The following UGT3A2 variants were observed in gnomAD, a reference collection of about 807,000 sequenced individuals.
UGT3A2 encodes the protein UDP glycosyltransferase family 3 member A2.
Under a neutral mutation model 39.8 loss-of-function variants are expected in UGT3A2, and 32 were observed. That is an observed-to-expected ratio of 0.80 (90% CI 0.61 to 1.08). The LOEUF (loss-of-function observed/expected upper bound fraction) is 1.08. UGT3A2 is among the 50% of genes least tolerant of loss of function. The probability of loss-of-function intolerance (pLI) is 0.00; values close to 1 mark genes in which losing one functional copy is unlikely to be tolerated. For missense variants in UGT3A2, 611 were observed against 637.1 expected (o/e 0.96, Z 0.44); for synonymous variants, 241 against 230.7 (o/e 1.04, Z -0.40).
At chr5:36,058,002 G>A (rs1021139053) in intron 2 of UGT3A2, among the ~76,000 whole-genome samples, 4 of 152,122 alleles carry the variant, frequency 2.6e-5, no homozygotes, top group African/African-American at 4.8e-5. Flanking sequence ...AGGCAGATAC[G>A]AAGGCAGTGA....
Position 36,049,081 on chromosome 5 carries a change from C to T in UGT3A2, c.651G>A (p.Met217Ile). Residue 217 changes from methionine to isoleucine, a missense_variant, in exon 4 of 7, where the codon ATG becomes ATA. Coordinates refer to ENST00000282507, the MANE Select transcript of UGT3A2 (RefSeq NM_174914.4). ...FFSFCRRQQHMQSTFDNTIKE... is the reference protein window; with the variant it reads ...FFSFCRRQQHIQSTFDNTIKE... ...TGATGGTGTTGTCAAATGTAGACTG[C>T]ATGTGCTGTTGCCTCCTGCAGAAAC... 1 of 1,614,182 alleles carries T rather than the reference C, an allele frequency of 6.2e-7. No individual in the cohort carries two copies. Among genetic ancestry groups the T allele is most frequent in the Non-Finnish European group, 8.5e-7 (1 of 1,180,030 alleles).
intron 4 of UGT3A2, among the ~76,000 whole-genome samples, chr5:36,045,190 C>T (rs1363039628): frequency 6.6e-6 from 1 of 152,028 alleles, no homozygotes; most frequent in African/African-American, 2.4e-5. Context: ...CATACATCTG[C>T]GGTGAACTTA....
chr5:36,062,018 T>C (rs1469697979), intron 2 of UGT3A2, among the ~76,000 whole-genome samples: 5 of 151,968 alleles, frequency 3.3e-5, no homozygotes, highest in Admixed American at 2.0e-4. Flanking sequence ...TTTCATGTGT[T>C]TTTTGGCTGC....
At chr5:36,059,717 C>T (rs1033291935) in intron 2 of UGT3A2, among the ~76,000 whole-genome samples, 2 of 152,076 alleles carry the variant, frequency 1.3e-5, no homozygotes, top group Non-Finnish European at 2.9e-5. Context: ...TGTTTTACCC[C>T]GCAGCAATTA....
chr5:36,059,573 G>C (rs1422764233), intron 2 of UGT3A2, among the ~76,000 whole-genome samples: 1 of 152,104 alleles, frequency 6.6e-6, no homozygotes, highest in Non-Finnish European at 1.5e-5. Flanking sequence ...GCACCTGTGA[G>C]ATGTGCAGAG....
At chr5:36,056,416 CG>C (rs1342839840) in intron 2 of UGT3A2, among the ~76,000 whole-genome samples, 3 of 152,172 alleles carry the variant, frequency 2.0e-5, no homozygotes, top group Non-Finnish European at 2.9e-5. Flanking sequence ...CCATTCATCC[CG>C]GGCAGCTTTC....
chr5:36,052,924 T>C (rs1284180705), intron 2 of UGT3A2, among the ~76,000 whole-genome samples: 1 of 152,204 alleles, frequency 6.6e-6, no homozygotes, highest in Non-Finnish European at 1.5e-5. Context: ...TCCAAGTATC[T>C]ACTGGCAAAT....
Position 36,066,828 on chromosome 5 carries a change from G to A in UGT3A2, c.-39C>T. The A allele has an allele frequency of 1.2e-6, 2 of 1,612,790 alleles. No homozygotes were observed. The highest frequency in any genetic ancestry group is 1.7e-6 in the Non-Finnish European group (2 of 1,178,816). ...GAAGCCGCGGATCTCAGCCTGGGCT[G>A]CGCGCCCTGCGCCCGGCTAAGGGAC... On this transcript the variant is annotated 5_prime_UTR_variant, in exon 1 of 7. Transcript: ENST00000282507.
chr5:36,044,735 C>A (rs1381510143), intron 4 of UGT3A2, among the ~76,000 whole-genome samples: 2 of 144,112 alleles, frequency 1.4e-5, no homozygotes, highest in African/African-American at 2.4e-5. Flanking sequence ...TTTACAATGC[C>A]CACAAACAAA....
In UGT3A2 at chr5:36,035,265, T is replaced by C. The variant is rs1045901481; in HGVS notation, c.*433A>G. Reference sequence around the variant, plus strand: ...GAAAGAATATGCAAGGTGTCTTTCTTGGATGTTATTCCATGATAGATAGTA... The same window carrying C: ...GAAAGAATATGCAAGGTGTCTTTCTCGGATGTTATTCCATGATAGATAGTA... On this transcript the variant is annotated 3_prime_UTR_variant, in exon 7 of 7. Transcript: ENST00000282507. 1 of 186,320 alleles carries C rather than the reference T, an allele frequency of 5.4e-6. No individual in the cohort carries two copies. Among genetic ancestry groups the C allele is most frequent in the East Asian group, 1.2e-4 (1 of 8,144 alleles). The allele number at this position is 186,320 out of a possible 1,614,324, so 11.5% of individuals were successfully genotyped here. A position where few individuals can be genotyped will look rare whatever the true frequency, so the allele number is the denominator to read the frequency against.
chr5:36,038,162 A>C (rs1741892037), intron 5 of UGT3A2, 146 bp from the exon 6 acceptor site: 1 of 839,984 alleles, frequency 1.2e-6, no homozygotes, highest in African/African-American at 1.7e-5. Context: ...GGACACATCC[A>C]ATGTTACAGT....
At chr5:36,047,278 A>G (rs924627693) in intron 4 of UGT3A2, among the ~76,000 whole-genome samples, 1 of 152,228 alleles carries the variant, frequency 6.6e-6, no homozygotes, top group African/African-American at 2.4e-5. Context: ...CCTTGGGCAC[A>G]TGTCATCAGG....
chr5:36,048,478 C>T (rs934516255), intron 4 of UGT3A2, among the ~76,000 whole-genome samples: 3 of 152,164 alleles, frequency 2.0e-5, no homozygotes, highest in South Asian at 2.1e-4. Context: ...CTGCTTACTC[C>T]GAATCCATAG....
intron 4 of UGT3A2, among the ~76,000 whole-genome samples, chr5:36,040,101 A>C (rs1158796994): frequency 6.6e-6 from 1 of 152,124 alleles, no homozygotes; most frequent in Non-Finnish European, 1.5e-5. Flanking sequence ...CTTCTGTTGC[A>C]GGCAGAAATG....
chr5:36,036,858 T>C (rs1276955870), intron 6 of UGT3A2, among the ~76,000 whole-genome samples: 1 of 152,214 alleles, frequency 6.6e-6, no homozygotes, highest in African/African-American at 2.4e-5. Context: ...AATTATTCAG[T>C]CCTTTTTACT....
chr5:36,046,161 G>A (rs1348415507), intron 4 of UGT3A2, among the ~76,000 whole-genome samples: 1 of 152,124 alleles, frequency 6.6e-6, no homozygotes. Flanking sequence ...ATTGTTTGTG[G>A]GAATTTAAAT....
At chr5:36,040,647 C>A (rs1741977621) in intron 4 of UGT3A2, among the ~76,000 whole-genome samples, 1 of 152,194 alleles carries the variant, frequency 6.6e-6, no homozygotes, top group South Asian at 2.1e-4. Flanking sequence ...AGCATTTAGA[C>A]CAGCCCTTGC....
chr5:36,061,479 G>A (rs947637475), intron 2 of UGT3A2, among the ~76,000 whole-genome samples: 2 of 149,070 alleles, frequency 1.3e-5, no homozygotes, highest in Non-Finnish European at 3.0e-5. Context: ...CTATAAGTGA[G>A]AATATGCGGT....
intron 6 of UGT3A2, among the ~76,000 whole-genome samples, chr5:36,036,224 T>C (rs1228648722): frequency 6.6e-6 from 1 of 152,208 alleles, no homozygotes; most frequent in Non-Finnish European, 1.5e-5. Context: ...CCAAGGAGGC[T>C]TATGATGTGC....
Sources: allele counts gnomAD v4.1 joint callset (sites outside exome capture counted in the v4.1 genomes callset), GRCh38; gene constraint gnomAD v4.1.1; transcripts MANE v1.5; gene names NCBI Gene and HGNC (gene_info 2026-07-23, HGNC 2026-07-21).